The following COLEC11 variants were observed in gnomAD, a reference collection of about 807,000 sequenced individuals.
COLEC11 encodes the protein collectin-11.
COLEC11 carries 20 observed loss-of-function variants against 27.3 expected under a neutral mutation model. The observed-to-expected ratio is 0.73, with a 90% confidence interval of 0.51 to 1.06. The LOEUF (loss-of-function observed/expected upper bound fraction) is 1.06, where lower values mean the gene tolerates loss of function less well. Among genes scored for constraint, COLEC11 ranks in the 50% least tolerant of loss-of-function variants. The probability of loss-of-function intolerance (pLI) is 0.00; values close to 1 mark genes in which losing one functional copy is unlikely to be tolerated. For missense variants in COLEC11, 310 were observed against 383.0 expected (o/e 0.81, Z 1.59); for synonymous variants, 163 against 154.7 (o/e 1.05, Z -0.40).
chr2:3,620,552 T>C (rs1159369021), intron 3 of COLEC11, among the ~76,000 whole-genome samples: 1 of 152,174 alleles, frequency 6.6e-6, no homozygotes, highest in Non-Finnish European at 1.5e-5. Flanking sequence ...TTATTTCTGC[T>C]CTGATCTTCG....
intron 3 of COLEC11, among the ~76,000 whole-genome samples, chr2:3,616,363 C>T (rs541088683): frequency 5.0e-4 from 76 of 151,716 alleles, no homozygotes; most frequent in East Asian, 2.3e-3. Context: ...GGGTGGCGGC[C>T]GGGCAGAGGC....
rs768946186 is a variant in COLEC11 at position 3,643,753 on chromosome 2, A to G, written c.451A>G (p.Ser151Gly). ...NAVAGVRETESKIYLLVKEEK... is the reference protein window; with the variant it reads ...NAVAGVRETEGKIYLLVKEEK... ...TGTCGCCGGTGTGCGCGAGACGGAG[A>G]GCAAGATCTACCTGCTGGTGAAGGA... The change falls in exon 7 of 7, where the codon AGC becomes GGC. Residue 151 changes from serine (S) to glycine (G), a missense_variant. Physicochemically the swap from Ser to Gly is moderately conservative, Grantham distance 56 (BLOSUM62 0). Coordinates refer to ENST00000349077, the MANE Select transcript of COLEC11 (RefSeq NM_024027.5). The G allele has an allele frequency of 6.2e-7, 1 of 1,613,514 alleles. No homozygotes were observed. The highest frequency in any genetic ancestry group is 8.5e-7 in the Non-Finnish European group (1 of 1,179,942).
intron 1 of COLEC11, among the ~76,000 whole-genome samples, chr2:3,596,093 G>A (rs370977824): frequency 6.6e-6 from 1 of 152,172 alleles, no homozygotes; most frequent in Admixed American, 6.5e-5. Flanking sequence ...TAAGAGGAGC[G>A]TGTGCTGTTG....
chr2:3,640,350 A>G lies in COLEC11; in HGVS notation c.328+19A>G, dbSNP rs752190271. On this transcript the variant is annotated intron_variant, in intron 5 of 6. Coordinates refer to ENST00000349077, the MANE Select transcript of COLEC11 (RefSeq NM_024027.5). ...GAACCAGGTATGGCATAAAGGGTCC[A>G]AGGATTTTTAATAAAATGTATTAAA... 6 of 1,436,612 alleles carry G rather than the reference A, an allele frequency of 4.2e-6. No individual in the cohort carries two copies. The highest frequency in any genetic ancestry group is 1.1e-5 in the South Asian group (1 of 86,980). 89.0% of individuals were successfully genotyped at this position (1,436,612 alleles called of 1,614,324 possible).
chr2:3,638,377 T>C (rs375166603), intron 4 of COLEC11, among the ~76,000 whole-genome samples: 4 of 152,292 alleles, frequency 2.6e-5, no homozygotes, highest in Middle Eastern at 3.4e-3. Context: ...GCTCTTCAGG[T>C]GTGGACTCAT....
chr2:3,634,344 A>T (rs779098804), intron 3 of COLEC11, among the ~76,000 whole-genome samples: 2 of 152,122 alleles, frequency 1.3e-5, no homozygotes, highest in Non-Finnish European at 2.9e-5. Flanking sequence ...ACTCTTGGAG[A>T]AGGTGAATTC....
chr2:3,629,137 T>C (rs1401860203), intron 3 of COLEC11, among the ~76,000 whole-genome samples: 1 of 152,200 alleles, frequency 6.6e-6, no homozygotes, highest in Non-Finnish European at 1.5e-5. Context: ...AACCTCTGGA[T>C]CTGTAACCAC....
intron 4 of COLEC11, among the ~76,000 whole-genome samples, chr2:3,638,816 T>C (rs1446883348): frequency 6.6e-6 from 1 of 152,224 alleles, no homozygotes; most frequent in African/African-American, 2.4e-5. Flanking sequence ...CATGGTAAAA[T>C]ACTTATATCC....
chr2:3,602,706 G>C lies in COLEC11; in HGVS notation c.-26-1609G>C, dbSNP rs1019171748. 6.6e-5 allele frequency among the ~76,000 whole-genome samples: 10 copies of C among 152,208 alleles called. No homozygotes were observed. The highest frequency in any genetic ancestry group is 2.4e-4 in the African/African-American group (10 of 41,448). ...CTCATACAGAGCAACCCCCAAAGCT[G>C]CTGGGCGCCGGCTCCTGTCTCCTGT... On this transcript the variant is annotated intron_variant, in intron 1 of 6. Coordinates refer to ENST00000349077, the MANE Select transcript of COLEC11 (RefSeq NM_024027.5). The surrounding 1 kb of genome is among the most constrained non-coding windows in gnomAD (Gnocchi z 6.2).
chr2:3,611,203 A>G (rs1160614693), intron 2 of COLEC11, among the ~76,000 whole-genome samples: 1 of 152,170 alleles, frequency 6.6e-6, no homozygotes, highest in Non-Finnish European at 1.5e-5. Flanking sequence ...TTCAAAACAA[A>G]CAAACAAAGC....
At chr2:3,606,183 C>A (rs1307581648) in intron 2 of COLEC11, 2 of 1,550,442 alleles carry the variant, frequency 1.3e-6, no homozygotes, top group East Asian at 2.4e-5. Context: ...GAGGTCACGT[C>A]CCTGCCCAAT....
In COLEC11 at chr2:3,625,882, C is replaced by G. The variant is rs748703875; in HGVS notation, c.203-11651C>G. On this transcript the variant is annotated intron_variant, in intron 3 of 6. Transcript: ENST00000349077. Reference sequence around the variant, plus strand: ...TCCTGACCTCAAGAGATCCGCCTACCTTGGCCTCCCAAAGTGCCGGGATTA... The same window carrying G: ...TCCTGACCTCAAGAGATCCGCCTACGTTGGCCTCCCAAAGTGCCGGGATTA... The G allele has an allele frequency of 3.7e-4, 298 of 801,402 alleles. 2 individuals are homozygous for G. The highest frequency in any genetic ancestry group is 4.5e-4 in the Non-Finnish European group (208 of 464,282). The allele number at this position is 801,402 out of a possible 1,614,324, so 49.6% of individuals were successfully genotyped here.
In COLEC11 at chr2:3,607,220, C is replaced by A. The variant is rs992788643; in HGVS notation, c.130+2750C>A. Among the ~76,000 whole-genome samples, 55 of 152,114 alleles carry A rather than the reference C, an allele frequency of 3.6e-4. 1 individual carries two copies. Among genetic ancestry groups the A allele is most frequent in the African/African-American group, 1.3e-3 (52 of 41,488 alleles). On this transcript the variant is annotated intron_variant, in intron 2 of 6. Transcript: ENST00000349077. ...ATGACATTTATTTGCCATTCCAGGCCATTTCAGATAATAATAATATATTAT... is the reference window on the plus strand; with the variant it reads ...ATGACATTTATTTGCCATTCCAGGCAATTTCAGATAATAATAATATATTAT...
rs112973719 is a variant in COLEC11 at position 3,631,720 on chromosome 2, C to T, written c.203-5813C>T. Among the ~76,000 whole-genome samples the T allele has an allele frequency of 6.8e-3, 1,035 of 151,110 alleles. 8 individuals are homozygous for T. Among genetic ancestry groups the T allele is most frequent in the African/African-American group, 0.024 (985 of 40,856 alleles). On this transcript the variant is annotated intron_variant, in intron 3 of 6. Transcript: ENST00000349077. Reference sequence around the variant, plus strand: ...GAGGGGGCTCTGCTCGGAGGGGGCCCCTACTCGGAGGGGACTCTGCTCGGA... The same window carrying T: ...GAGGGGGCTCTGCTCGGAGGGGGCCTCTACTCGGAGGGGACTCTGCTCGGA...
intron 2 of COLEC11, chr2:3,606,326 G>A: frequency 2.5e-6 from 3 of 1,223,594 alleles, no homozygotes; most frequent in Middle Eastern, 2.3e-4. Flanking sequence ...GCTGTTGGGA[G>A]GGTCCTTCCC....
chr2:3,603,447 G>A (rs1662389162), intron 1 of COLEC11: 1 of 567,266 alleles, frequency 1.8e-6, no homozygotes, highest in African/African-American at 1.9e-5. Flanking sequence ...CTCCCAAGTA[G>A]CTGGGATTAG....
chr2:3,599,052 G>A (rs1460128140), intron 1 of COLEC11, among the ~76,000 whole-genome samples: 1 of 49,370 alleles, frequency 2.0e-5, no homozygotes, highest in African/African-American at 2.4e-4. Flanking sequence ...CGGGCAGAAA[G>A]AGGAAACAGC....
intron 1 of COLEC11, 109 bp downstream of exon 1, chr2:3,595,277 C>A: frequency 5.0e-6 from 1 of 198,402 alleles, no homozygotes; most frequent in Non-Finnish European, 1.1e-5. Flanking sequence ...TCCTGCTGAG[C>A]GAGGAGGATG....
At chr2:3,634,644 G>T (rs1471158561) in intron 3 of COLEC11, among the ~76,000 whole-genome samples, 2 of 152,166 alleles carry the variant, frequency 1.3e-5, no homozygotes, top group Non-Finnish European at 2.9e-5. Context: ...GGTTGAAATT[G>T]TCATGACTCA....
Sources: gnomAD v4.1 joint callset for allele counts (sites outside exome capture counted in the v4.1 genomes callset) on GRCh38, gnomAD v4.1.1 for gene constraint, Gnocchi (gnomAD v3.1) non-coding constraint, MANE v1.5 for transcripts, NCBI Gene and HGNC (gene_info 2026-07-23, HGNC 2026-07-21) for gene names.